The following PPFIBP1 variants were observed in gnomAD, a reference collection of about 807,000 sequenced individuals.
PPFIBP1 encodes the protein PPFIB scaffold protein 1, also known as liprin-beta-1.
Under a neutral mutation model 137.8 loss-of-function variants are expected in PPFIBP1, and 112 were observed. The ratio of observed to expected loss-of-function variants is 0.81; its 90% CI spans 0.70 to 0.95. The LOEUF is 0.95. PPFIBP1 is among the 40% of genes least tolerant of loss of function. The probability of loss-of-function intolerance (pLI) is 0.00; values close to 1 mark genes in which losing one functional copy is unlikely to be tolerated. For synonymous variants in PPFIBP1, 378 were observed against 417.3 expected, an observed-to-expected ratio of 0.91 and a Z score of 1.15; for missense variants, 1,083 against 1,196.6, an observed-to-expected ratio of 0.91 and a Z score of 1.40.
intron 1 of PPFIBP1, among the ~76,000 whole-genome samples, chr12:27,546,133 C>T (rs970716225): frequency 2.0e-5 from 3 of 152,064 alleles, no homozygotes; most frequent in Non-Finnish European, 4.4e-5. Context: ...AGGAGGGAGC[C>T]AAGTTTTGGG....
intron 2 of PPFIBP1, among the ~76,000 whole-genome samples, chr12:27,616,845 G>A (rs558865496): frequency 1.3e-5 from 2 of 152,312 alleles, no homozygotes; most frequent in South Asian, 4.1e-4. Flanking sequence ...TTAAGTGTTG[G>A]AGGAATAGGA....
chr12:27,539,680 G>A (rs1945441493), intron 1 of PPFIBP1, among the ~76,000 whole-genome samples: 1 of 151,832 alleles, frequency 6.6e-6, no homozygotes. Context: ...TGTTTATTGT[G>A]GATTTATATT....
intron 1 of PPFIBP1, among the ~76,000 whole-genome samples, chr12:27,555,047 G>A (rs954575229): frequency 2.6e-5 from 4 of 152,086 alleles, no homozygotes; most frequent in South Asian, 4.1e-4. Flanking sequence ...GGGGTGGGGC[G>A]TGCATTCTTG....
intron 1 of PPFIBP1, among the ~76,000 whole-genome samples, chr12:27,539,737 C>T (rs1451550377): frequency 1.3e-5 from 2 of 151,590 alleles, no homozygotes; most frequent in Admixed American, 6.6e-5. Context: ...ATATATGTAT[C>T]TTATAGAAAA....
chr12:27,582,212 G>C (rs527418123), intron 2 of PPFIBP1, among the ~76,000 whole-genome samples: 1 of 152,106 alleles, frequency 6.6e-6, no homozygotes, highest in Non-Finnish European at 1.5e-5. Context: ...AATAAGTGGC[G>C]TGTGTATGTG....
At position 27,541,815 on chromosome 12, in the gene PPFIBP1, A is replaced by G. The variant is rs183474850; in HGVS notation, c.-124+17450A>G. ...TTTGGAGGAAACCACCACTCAATAG[A>G]TGCATCATTAAAATCCAGAGCTTCC... On this transcript the variant is annotated intron_variant, in intron 1 of 29. Coordinates refer to ENST00000228425, the MANE Select transcript of PPFIBP1 (RefSeq NM_003622.4). Among the ~76,000 whole-genome samples the G allele has an allele frequency of 6.0e-4, 91 of 152,234 alleles. 1 individual carries two copies. In the South Asian group the frequency reaches 0.015, roughly 25 times the overall value.
intron 1 of PPFIBP1, among the ~76,000 whole-genome samples, chr12:27,562,077 A>G (rs987547): frequency 0.28 from 42,504 of 151,704 alleles, 6,360 homozygotes; most frequent in East Asian, 0.43. Context: ...AAAATGAACT[A>G]GCGACCCTCC....
At chr12:27,656,132 C>G (rs2059182507) in intron 8 of PPFIBP1, among the ~76,000 whole-genome samples, 1 of 152,024 alleles carries the variant, frequency 6.6e-6, no homozygotes, top group Non-Finnish European at 1.5e-5. Flanking sequence ...TAAAATTGTT[C>G]ATGACTTGCT....
chr12:27,672,493 A>C lies in PPFIBP1; in HGVS notation c.1319+10A>C, dbSNP rs1256034531. ...TGTGTGATAAACTTTTGTAAGTTAC[A>C]TTTTATTGAATGTGAAAAATGTGAT... On this transcript the variant is annotated intron_variant, in intron 15 of 29. Coordinates refer to ENST00000228425, the MANE Select transcript of PPFIBP1 (RefSeq NM_003622.4). 1 of 1,583,368 alleles carries C rather than the reference A, an allele frequency of 6.3e-7. No homozygotes were observed. Among genetic ancestry groups the C allele is most frequent in the Middle Eastern group, 1.7e-4 (1 of 6,004 alleles).
In PPFIBP1 at chr12:27,621,503, G is replaced by T. The variant is rs183540839; in HGVS notation, c.-35-11859G>T. Among the ~76,000 whole-genome samples the T allele has an allele frequency of 6.9e-3, 1,050 of 152,266 alleles. 5 individuals are homozygous for T. Among genetic ancestry groups the T allele is most frequent in the South Asian group, 0.016 (79 of 4,822 alleles). Reference sequence around the variant, plus strand: ...AATTTTCCATATGTCTCTTAATATTGTAATAGGAAATAACAATGTTAAGAA... The same window carrying T: ...AATTTTCCATATGTCTCTTAATATTTTAATAGGAAATAACAATGTTAAGAA... On this transcript the variant is annotated intron_variant, in intron 2 of 29. Coordinates refer to ENST00000228425, the MANE Select transcript of PPFIBP1 (RefSeq NM_003622.4).
chr12:27,649,142 A>G (rs2058723153), intron 6 of PPFIBP1, among the ~76,000 whole-genome samples: 1 of 152,214 alleles, frequency 6.6e-6, no homozygotes, highest in Non-Finnish European at 1.5e-5. Flanking sequence ...CAAGTAGAAA[A>G]GAAAATATCT....
chr12:27,647,533 C>A lies in PPFIBP1; in HGVS notation c.358-196C>A, dbSNP rs535383668. Among the ~76,000 whole-genome samples, 33 of 152,258 alleles carry A rather than the reference C, an allele frequency of 2.2e-4. 1 individual carries two copies. The highest frequency in any genetic ancestry group is 4.2e-4 in the South Asian group (2 of 4,816). On this transcript the variant is annotated intron_variant, in intron 5 of 29. Coordinates refer to ENST00000228425, the MANE Select transcript of PPFIBP1 (RefSeq NM_003622.4). ...ACGAATTTTCTCCAAATTGTATAGGCCTCCTTAAATCAAATAGCAACATAT... is the reference window on the plus strand; with the variant it reads ...ACGAATTTTCTCCAAATTGTATAGGACTCCTTAAATCAAATAGCAACATAT...
At position 27,566,197 on chromosome 12, in the gene PPFIBP1, A is replaced by G. The variant is rs187538361; in HGVS notation, c.-123-11955A>G. Among the ~76,000 whole-genome samples the G allele has an allele frequency of 2.8e-4, 43 of 152,300 alleles. No homozygotes were observed. The Middle Eastern group carries it at 0.01, about 36-fold the overall frequency. ...TTATTAGTAATTAAAACCTAAGACC[A>G]TAGGATACCTCTGATACCGCCACCA... On this transcript the variant is annotated intron_variant, in intron 1 of 29. Transcript: ENST00000228425.
In PPFIBP1 at chr12:27,650,144, G is replaced by T; in HGVS notation, c.603+3G>T. 6.3e-7 allele frequency: 1 copy of T among 1,595,934 alleles called. No homozygotes were observed. Among genetic ancestry groups the T allele is most frequent in the Non-Finnish European group, 8.6e-7 (1 of 1,164,868 alleles). ...AAGATAAGTTCAGAGACACAGAGGTGAGTGATACAGTCTCTCCTCCCTCTC... is the reference window on the plus strand; with the variant it reads ...AAGATAAGTTCAGAGACACAGAGGTTAGTGATACAGTCTCTCCTCCCTCTC... On this transcript the variant is annotated splice_donor_region_variant and intron_variant, in intron 7 of 29. Transcript: ENST00000228425.
At chr12:27,574,329 G>A (rs1168733172) in intron 1 of PPFIBP1, among the ~76,000 whole-genome samples, 1 of 152,148 alleles carries the variant, frequency 6.6e-6, no homozygotes. Context: ...TTGGTGGGGG[G>A]TAAGACTAGA....
intron 2 of PPFIBP1, among the ~76,000 whole-genome samples, chr12:27,591,121 G>A (rs1215537360): frequency 6.6e-6 from 1 of 150,644 alleles, no homozygotes. Flanking sequence ...AAGCTAGAAA[G>A]GTATCTGACA....
chr12:27,635,153 T>C lies in PPFIBP1; in HGVS notation c.270+38T>C, dbSNP rs141550610. 1.9e-5 allele frequency: 30 copies of C among 1,602,956 alleles called. No individual in the cohort carries two copies. The African/African-American group carries it at 3.1e-4, about 16-fold the overall frequency. ...TGTTCCAAATTCTGTTATAAATCCT[T>C]TGTTGCTTATTCCAAAATTTAGAAC... On this transcript the variant is annotated intron_variant, in intron 4 of 29. Coordinates refer to ENST00000228425, the MANE Select transcript of PPFIBP1 (RefSeq NM_003622.4).
At chr12:27,657,222 T>C (rs2059259339) in intron 9 of PPFIBP1, 1 of 152,760 alleles carries the variant, frequency 6.5e-6, no homozygotes, top group African/African-American at 2.4e-5. Context: ...AAAAATAGGC[T>C]AATTCTGTTT....
intron 1 of PPFIBP1, among the ~76,000 whole-genome samples, chr12:27,546,779 T>C (rs1385836088): frequency 6.6e-6 from 1 of 152,148 alleles, no homozygotes; most frequent in African/African-American, 2.4e-5. Flanking sequence ...TTGGGGAGAC[T>C]GAGGTGGGTG....
Sources: gnomAD v4.1 joint callset for allele counts (sites outside exome capture counted in the v4.1 genomes callset) on GRCh38, gnomAD v4.1.1 for gene constraint, MANE v1.5 for transcripts, NCBI Gene and HGNC (gene_info 2026-07-23, HGNC 2026-07-21) for gene names.